Variants in AOAH observed in about 807,000 individuals in gnomAD.
AOAH encodes acyloxyacyl hydrolase, also known as acyloxyacyl hydrolase (neutrophil).
AOAH carries 64 observed loss-of-function variants against 92.2 expected under a neutral mutation model. The ratio of observed to expected loss-of-function variants is 0.69; its 90% CI spans 0.57 to 0.86. AOAH has a LOEUF of 0.86. Among genes scored for constraint, AOAH ranks in the 40% least tolerant of loss-of-function variants. The probability of loss-of-function intolerance (pLI) is 0.00; values close to 1 mark genes in which losing one functional copy is unlikely to be tolerated. For synonymous variants in AOAH, 263 were observed against 254.5 expected (o/e 1.03, Z -0.32); for missense variants, 656 against 694.6 (o/e 0.94, Z 0.62).
intron 6 of AOAH, 71 bp from the exon 7 acceptor site, chr7:36,623,321 G>C: frequency 7.2e-7 from 1 of 1,389,786 alleles, no homozygotes; most frequent in Non-Finnish European, 1.0e-6. Context: ...AACAAATAGA[G>C]AGACATTTTC....
At chr7:36,721,064 A>T (rs1005600383) in intron 1 of AOAH, among the ~76,000 whole-genome samples, 2 of 152,088 alleles carry the variant, frequency 1.3e-5, no homozygotes, top group Non-Finnish European at 2.9e-5. Flanking sequence ...CAACCCTTCC[A>T]GCAGGTACAC....
chr7:36,669,485 T>C (rs998372032), intron 3 of AOAH, among the ~76,000 whole-genome samples: 3 of 150,436 alleles, frequency 2.0e-5, no homozygotes, highest in Non-Finnish European at 4.4e-5. Flanking sequence ...TGGGTTCAAG[T>C]GATTCTTCTG....
At chr7:36,596,872 C>G (rs1033012081) in intron 11 of AOAH, among the ~76,000 whole-genome samples, 1 of 152,122 alleles carries the variant, frequency 6.6e-6, no homozygotes, top group Non-Finnish European at 1.5e-5. Context: ...TTTTATTATT[C>G]AAAGGGCTAA....
chr7:36,525,296 G>A (rs1284635863), intron 19 of AOAH, among the ~76,000 whole-genome samples: 1 of 152,218 alleles, frequency 6.6e-6, no homozygotes, highest in African/African-American at 2.4e-5. Flanking sequence ...AAGCAAATTT[G>A]AACCTGTTAG....
At chr7:36,584,883 T>C (rs1196761747) in intron 12 of AOAH, among the ~76,000 whole-genome samples, 1 of 152,124 alleles carries the variant, frequency 6.6e-6, no homozygotes, top group Non-Finnish European at 1.5e-5. Flanking sequence ...CAAACTGATA[T>C]CCTTATGAGC....
At chr7:36,530,870 C>A (rs896855345) in intron 18 of AOAH, among the ~76,000 whole-genome samples, 4 of 152,160 alleles carry the variant, frequency 2.6e-5, no homozygotes, top group Non-Finnish European at 5.9e-5. Context: ...CAATATGGAT[C>A]AAATCCTTAA....
chr7:36,580,951 A>G (rs992021803), intron 12 of AOAH, among the ~76,000 whole-genome samples: 11 of 152,102 alleles, frequency 7.2e-5, no homozygotes, highest in South Asian at 4.1e-4. Flanking sequence ...TTTCCGTAGG[A>G]TACTCCTCTC....
intron 13 of AOAH, among the ~76,000 whole-genome samples, chr7:36,554,583 CA>C: frequency 6.6e-6 from 1 of 152,194 alleles, no homozygotes; most frequent in East Asian, 1.9e-4. Flanking sequence ...GCAGTATGGC[CA>C]TTTTCACAAT....
Position 36,610,200 on chromosome 7 carries a change from C to G in AOAH, c.846+6180G>C, listed in dbSNP as rs374858141. Among the ~76,000 whole-genome samples the G allele has an allele frequency of 1.1e-4, 14 of 127,024 alleles. No individual in the cohort carries two copies. In the East Asian group the frequency reaches 3.8e-3, roughly 34 times the overall value. 83.3% of individuals were successfully genotyped at this position (127,024 alleles called of 152,430 possible). On this transcript the variant is annotated intron_variant, in intron 11 of 20. Coordinates refer to ENST00000617537, the MANE Select transcript of AOAH (RefSeq NM_001637.4). Reference sequence around the variant, plus strand: ...AAAAAAGAATCGGTTTAACATCCTGCTGTAGGTGGGTGGTTTAGTAGATTA... The same window carrying G: ...AAAAAAGAATCGGTTTAACATCCTGGTGTAGGTGGGTGGTTTAGTAGATTA...
At chr7:36,515,840 CG>C (rs1783654527) in intron 20 of AOAH, among the ~76,000 whole-genome samples, 1 of 124,466 alleles carries the variant, frequency 8.0e-6, no homozygotes, top group Admixed American at 8.2e-5. Flanking sequence ...CACACACATA[CG>C]TCACACACCC....
chr7:36,679,814 C>T (rs868297914), intron 2 of AOAH, among the ~76,000 whole-genome samples: 6 of 152,160 alleles, frequency 3.9e-5, no homozygotes, highest in South Asian at 4.1e-4. Flanking sequence ...CATGTTACCA[C>T]GCCCAGTTAA....
At chr7:36,632,805 G>A (rs1287327880) in intron 5 of AOAH, among the ~76,000 whole-genome samples, 1 of 152,258 alleles carries the variant, frequency 6.6e-6, no homozygotes, top group Non-Finnish European at 1.5e-5. Context: ...TCCTTCGAAT[G>A]GCTATGAGGA....
At chr7:36,707,509 A>G (rs1187414383) in intron 1 of AOAH, among the ~76,000 whole-genome samples, 2 of 152,188 alleles carry the variant, frequency 1.3e-5, no homozygotes, top group African/African-American at 4.8e-5. Flanking sequence ...CGGTGCCAAT[A>G]GACTTGTTTG....
intron 6 of AOAH, among the ~76,000 whole-genome samples, chr7:36,629,394 C>T (rs1397826484): frequency 6.6e-6 from 1 of 152,000 alleles, no homozygotes; most frequent in African/African-American, 2.4e-5. Context: ...ACAGAAAATA[C>T]AATAATGCAT....
At chr7:36,688,977 G>A (rs1169912862) in intron 1 of AOAH, among the ~76,000 whole-genome samples, 2 of 152,092 alleles carry the variant, frequency 1.3e-5, no homozygotes, top group African/African-American at 4.8e-5. Flanking sequence ...AGATATATAT[G>A]AGATGAGGTC....
Position 36,620,835 on chromosome 7 carries a change from A to G in AOAH, c.654-6T>C, listed in dbSNP as rs1297193961. On this transcript the variant is annotated splice_polypyrimidine_tract_variant and splice_region_variant and intron_variant, in intron 8 of 20. Transcript: ENST00000617537. ...GGACATCCCAGTTGTTCGGCCTAAG[A>G]AAAAAACATTAACATTGGTCTTTGA... The G allele has an allele frequency of 6.2e-7, 1 of 1,613,670 alleles. No homozygotes were observed. The highest frequency in any genetic ancestry group is 8.5e-7 in the Non-Finnish European group (1 of 1,179,704).
At chr7:36,625,482 C>T (rs1484887248) in intron 6 of AOAH, among the ~76,000 whole-genome samples, 1 of 152,190 alleles carries the variant, frequency 6.6e-6, no homozygotes, top group African/African-American at 2.4e-5. Context: ...TATTGGTCCT[C>T]ACAAAGTGCT....
chr7:36,617,549 T>G (rs535745086), intron 10 of AOAH, among the ~76,000 whole-genome samples: 1 of 152,344 alleles, frequency 6.6e-6, no homozygotes, highest in East Asian at 1.9e-4. Context: ...TAACCGTTGG[T>G]TAGAATTGGA....
intron 1 of AOAH, among the ~76,000 whole-genome samples, chr7:36,702,282 G>A (rs1798076702): frequency 6.6e-6 from 1 of 152,160 alleles, no homozygotes; most frequent in African/African-American, 2.4e-5. Context: ...ATGGATGCAA[G>A]TTACCATGTG....
Sources: gnomAD v4.1 joint callset for allele counts (sites outside exome capture counted in the v4.1 genomes callset) on GRCh38, gnomAD v4.1.1 for gene constraint, MANE v1.5 for transcripts, NCBI Gene and HGNC (gene_info 2026-07-23, HGNC 2026-07-21) for gene names.